The following TCF12 variants were observed in gnomAD, a reference collection of about 807,000 sequenced individuals.
The protein encoded by TCF12 is DNA-binding protein HTF4.
Under a neutral mutation model 86.0 loss-of-function variants are expected in TCF12, and 45 were observed. That is an observed-to-expected ratio of 0.52 (90% CI 0.41 to 0.67). The LOEUF (loss-of-function observed/expected upper bound fraction) is 0.67. Among genes scored for constraint, TCF12 ranks in the 30% least tolerant of loss-of-function variants. TCF12 has a pLI of 0.00. For synonymous variants in TCF12, 330 were observed against 299.6 expected (o/e 1.10, Z -1.05); for missense variants, 881 against 859.9 (o/e 1.02, Z -0.31).
intron 3 of TCF12, among the ~76,000 whole-genome samples, chr15:56,977,716 G>A (rs1321165016): frequency 3.3e-5 from 5 of 152,084 alleles, no homozygotes; most frequent in Non-Finnish European, 5.9e-5. Flanking sequence ...AAAGTAATCT[G>A]TTTTTGGCAA....
intron 4 of TCF12, chr15:57,072,707 G>C: frequency 2.3e-6 from 3 of 1,306,040 alleles, no homozygotes; most frequent in Non-Finnish European, 3.0e-6. Context: ...AAGGGTCAGA[G>C]AATTAAAGTA....
At chr15:56,927,867 T>C (rs903561135) in intron 3 of TCF12, among the ~76,000 whole-genome samples, 1 of 152,222 alleles carries the variant, frequency 6.6e-6, no homozygotes, top group Non-Finnish European at 1.5e-5. Context: ...AATGTAATAA[T>C]ACAAAATTTT....
intron 5 of TCF12, among the ~76,000 whole-genome samples, chr15:57,134,772 CT>C (rs2151372111): frequency 6.6e-6 from 1 of 151,812 alleles, no homozygotes; most frequent in Non-Finnish European, 1.5e-5. Context: ...TTTTTCCTCT[CT>C]CTTAAATCTT....
At chr15:57,050,564 C>T (rs571042776) in intron 3 of TCF12, among the ~76,000 whole-genome samples, 1 of 152,124 alleles carries the variant, frequency 6.6e-6, no homozygotes, top group African/African-American at 2.4e-5. Context: ...TAGAGACTGC[C>T]GAGTTCATTG....
chr15:57,282,805 AGT>A, intron 20 of TCF12, among the ~76,000 whole-genome samples: 1 of 152,352 alleles, frequency 6.6e-6, no homozygotes, highest in Middle Eastern at 3.4e-3. Flanking sequence ...TTTTCTTCAA[AGT>A]GTGGCAGTAT....
intron 4 of TCF12, among the ~76,000 whole-genome samples, chr15:57,070,270 A>G (rs1272484313): frequency 4.6e-5 from 7 of 152,130 alleles, no homozygotes; most frequent in Non-Finnish European, 1.0e-4. Flanking sequence ...TCTGATACCT[A>G]TAGCAATAAA....
At chr15:56,919,866 C>T (rs1257820087) in intron 1 of TCF12, 26 bp from the exon 2 acceptor site, 2 of 1,606,414 alleles carry the variant, frequency 1.2e-6, no homozygotes, top group African/African-American at 2.7e-5. Flanking sequence ...GGTGGTCTCT[C>T]GCTGAGCCCG....
intron 19 of TCF12, among the ~76,000 whole-genome samples, chr15:57,275,397 G>A (rs1021473993): frequency 1.4e-5 from 2 of 146,994 alleles, no homozygotes; most frequent in East Asian, 2.0e-4. Context: ...GTGTTGCCCA[G>A]GCTGGTCTTG....
chr15:57,281,458 A>C (rs2061683193), intron 19 of TCF12, among the ~76,000 whole-genome samples: 1 of 152,192 alleles, frequency 6.6e-6, no homozygotes, highest in African/African-American at 2.4e-5. Context: ...AGGGGTCCCC[A>C]ACCCCTGGGC....
intron 5 of TCF12, among the ~76,000 whole-genome samples, chr15:57,106,246 T>A: frequency 6.6e-6 from 1 of 152,224 alleles, no homozygotes; most frequent in East Asian, 1.9e-4. Flanking sequence ...ATAGTGAAAT[T>A]CTAATAAAGT....
At position 57,219,289 on chromosome 15, in the gene TCF12, G is replaced by C. The variant is rs1566933391; in HGVS notation, c.580-11863G>C. ...TAATACCTCAAATTTTGTCTTATTG[G>C]TATCCTCCACCAATGCAAGGACTTG... On this transcript the variant is annotated intron_variant, in intron 8 of 20. Coordinates refer to ENST00000333725, the MANE Select transcript of TCF12 (RefSeq NM_207037.2). 7 of 1,208,962 alleles carry C rather than the reference G, an allele frequency of 5.8e-6. No homozygotes were observed. The South Asian group carries it at 2.4e-4, about 41-fold the overall frequency. 74.9% of individuals were successfully genotyped at this position (1,208,962 alleles called of 1,614,324 possible). A position where few individuals can be genotyped will look rare whatever the true frequency, so the allele number is the denominator to read the frequency against.
chr15:57,273,950 C>T (rs1017965117), intron 19 of TCF12, among the ~76,000 whole-genome samples: 1 of 152,182 alleles, frequency 6.6e-6, no homozygotes, highest in Non-Finnish European at 1.5e-5. Context: ...TGCATACCTC[C>T]TCTGTTCCAA....
At chr15:56,987,940 C>T (rs2063272540) in intron 3 of TCF12, among the ~76,000 whole-genome samples, 1 of 152,158 alleles carries the variant, frequency 6.6e-6, no homozygotes, top group South Asian at 2.1e-4. Flanking sequence ...GCTTTCTAAT[C>T]ATTCAGTGTA....
intron 3 of TCF12, among the ~76,000 whole-genome samples, chr15:57,046,064 A>G (rs1476637030): frequency 1.3e-5 from 2 of 152,242 alleles, no homozygotes; most frequent in African/African-American, 4.8e-5. Flanking sequence ...CTTTCCTTAC[A>G]GTTTCAGATC....
At chr15:57,238,919 G>T (rs186900775) in intron 12 of TCF12, among the ~76,000 whole-genome samples, 3 of 152,312 alleles carry the variant, frequency 2.0e-5, no homozygotes, top group African/African-American at 7.2e-5. Flanking sequence ...ATGTATAAAT[G>T]GGGAAGTGAC....
intron 8 of TCF12, among the ~76,000 whole-genome samples, chr15:57,213,329 C>G (rs559360934): frequency 1.3e-5 from 2 of 152,322 alleles, no homozygotes; most frequent in Admixed American, 1.3e-4. Context: ...TGTATGATTT[C>G]TTCCAGTGAA....
At chr15:57,031,824 T>G (rs1047206978) in intron 3 of TCF12, among the ~76,000 whole-genome samples, 2 of 152,190 alleles carry the variant, frequency 1.3e-5, no homozygotes, top group Non-Finnish European at 2.9e-5. Flanking sequence ...TGTTATTTTT[T>G]CTTTTTCCTT....
In TCF12 at chr15:57,091,741, G is replaced by C. The variant is rs1180212075; in HGVS notation, c.223-48G>C. The C allele has an allele frequency of 7.1e-6, 10 of 1,406,006 alleles. No individual in the cohort carries two copies. The South Asian group carries it at 1.2e-4, about 16-fold the overall frequency. The allele number at this position is 1,406,006 out of a possible 1,614,324, so 87.1% of individuals were successfully genotyped here. On this transcript the variant is annotated intron_variant, in intron 4 of 20. Coordinates refer to ENST00000333725, the MANE Select transcript of TCF12 (RefSeq NM_207037.2). ...TGAGTGTCATTATGCTCAATTAGCG[G>C]GACTGCCAAATAATCTCTTTAATAC...
intron 8 of TCF12, among the ~76,000 whole-genome samples, chr15:57,225,296 A>G (rs531276057): frequency 1.1e-4 from 14 of 126,950 alleles, no homozygotes; most frequent in African/African-American, 3.9e-4. Flanking sequence ...TGCAGTGGCA[A>G]TGGTGTGATC....
Sources: allele counts gnomAD v4.1 joint callset (sites outside exome capture counted in the v4.1 genomes callset), GRCh38; gene constraint gnomAD v4.1.1; transcripts MANE v1.5; gene names NCBI Gene and HGNC (gene_info 2026-07-23, HGNC 2026-07-21).